The following HPSE2 variants were observed in gnomAD, a reference collection of about 807,000 sequenced individuals.
The protein encoded by HPSE2 is inactive heparanase-2.
In HPSE2, 38 loss-of-function variants were observed where a neutral mutation model predicts 60.5. The observed-to-expected ratio is 0.63, with a 90% CI of 0.48 to 0.82. The LOEUF (loss-of-function observed/expected upper bound fraction) is 0.82, where lower values mean the gene tolerates loss of function less well. HPSE2 is among the 40% of genes least tolerant of loss of function. HPSE2 has a pLI of 0.00. For synonymous variants in HPSE2, 295 were observed against 293.2 expected (o/e 1.01, Z -0.06); for missense variants, 713 against 740.4 (o/e 0.96, Z 0.43).
At chr10:98,799,468 A>G (rs1461092842) in intron 3 of HPSE2, among the ~76,000 whole-genome samples, 2 of 152,222 alleles carry the variant, frequency 1.3e-5, no homozygotes, top group Non-Finnish European at 2.9e-5. Context: ...CATTCCATCC[A>G]CTGGCTGCAG....
chr10:98,817,216 A>T (rs1030399651), intron 3 of HPSE2, among the ~76,000 whole-genome samples: 1 of 152,152 alleles, frequency 6.6e-6, no homozygotes, highest in African/African-American at 2.4e-5. Context: ...CAGTATTATT[A>T]TTCTTATTAT....
chr10:98,921,097 G>A (rs538195428), intron 3 of HPSE2, among the ~76,000 whole-genome samples: 78 of 152,236 alleles, frequency 5.1e-4, no homozygotes, highest in African/African-American at 1.8e-3. Flanking sequence ...CTTCAGGCAT[G>A]TTTCCCTCTG....
chr10:98,679,661 T>C (rs1179824309), intron 6 of HPSE2, among the ~76,000 whole-genome samples: 2 of 152,172 alleles, frequency 1.3e-5, no homozygotes, highest in Admixed American at 6.5e-5. Context: ...TGTGCCTACA[T>C]GGAAATAAGA....
chr10:99,138,493 A>G (rs1049291459), intron 3 of HPSE2, among the ~76,000 whole-genome samples: 4 of 152,206 alleles, frequency 2.6e-5, no homozygotes, highest in Non-Finnish European at 5.9e-5. Flanking sequence ...AACCAACCCA[A>G]TTGTCCATCC....
chr10:98,854,290 A>C (rs559082983), intron 3 of HPSE2, among the ~76,000 whole-genome samples: 7 of 152,316 alleles, frequency 4.6e-5, no homozygotes, highest in Middle Eastern at 3.4e-3. Context: ...GAATTATCTC[A>C]AGGGTCAAGA....
rs1954902918 is a variant in HPSE2, at chr10:98,939,045, TG to T, written c.611-194990del. Among the ~76,000 whole-genome samples, 4 of 144,036 alleles carry T rather than the reference TG, an allele frequency of 2.8e-5. 1 individual carries two copies. Among genetic ancestry groups the T allele is most frequent in the Admixed American group, 2.8e-4 (4 of 14,508 alleles). The allele number at this position is 144,036 out of a possible 152,430, so 94.5% of individuals were successfully genotyped here. ...CAGACAAGCAAATGCTGAGAGATTT[TG>T]TCACCACCAGGCCTGCCCTAAAACA... On this transcript the variant is annotated intron_variant, in intron 3 of 11. Coordinates refer to ENST00000370552, the MANE Select transcript of HPSE2 (RefSeq NM_021828.5).
At chr10:98,720,953 T>TA (rs1291066368) in intron 5 of HPSE2, among the ~76,000 whole-genome samples, 2 of 152,206 alleles carry the variant, frequency 1.3e-5, no homozygotes, top group Non-Finnish European at 2.9e-5. Context: ...GCTGGTAATT[T>TA]AGAGTGCTGA....
chr10:98,773,930 G>A (rs1168753784), intron 3 of HPSE2, among the ~76,000 whole-genome samples: 1 of 152,032 alleles, frequency 6.6e-6, no homozygotes, highest in Non-Finnish European at 1.5e-5. Flanking sequence ...TGTGGTACAT[G>A]CCTGTAGTTC....
chr10:98,766,788 G>A (rs1021967670), intron 3 of HPSE2, among the ~76,000 whole-genome samples: 1 of 152,072 alleles, frequency 6.6e-6, no homozygotes. Flanking sequence ...AGCTGGGCAT[G>A]GTGGTGCACA....
intron 6 of HPSE2, among the ~76,000 whole-genome samples, chr10:98,685,748 T>G (rs1169726986): frequency 6.6e-6 from 1 of 152,178 alleles, no homozygotes; most frequent in Non-Finnish European, 1.5e-5. Flanking sequence ...ATGTTTTCAT[T>G]TCCTTTGGGT....
At chr10:98,877,942 C>A (rs12765537) in intron 3 of HPSE2, among the ~76,000 whole-genome samples, 1 of 151,878 alleles carries the variant, frequency 6.6e-6, no homozygotes, top group African/African-American at 2.4e-5. Flanking sequence ...AGGTTTAAGG[C>A]GGTCTAAGAG....
intron 3 of HPSE2, among the ~76,000 whole-genome samples, chr10:99,016,200 A>G (rs1339180087): frequency 6.6e-6 from 1 of 151,924 alleles, no homozygotes; most frequent in African/African-American, 2.4e-5. Context: ...AATCCATCTT[A>G]ATTTTTATAT....
intron 3 of HPSE2, among the ~76,000 whole-genome samples, chr10:99,097,827 T>C (rs1023765272): frequency 6.6e-6 from 1 of 152,188 alleles, no homozygotes; most frequent in Admixed American, 6.5e-5. Context: ...TTGAATAATA[T>C]GTCCAAAATG....
chr10:98,551,133 G>A (rs1354433199), intron 9 of HPSE2, among the ~76,000 whole-genome samples: 1 of 152,170 alleles, frequency 6.6e-6, no homozygotes, highest in Non-Finnish European at 1.5e-5. Flanking sequence ...GTGGTATGCA[G>A]GGGTCAGTTC....
At chr10:98,472,250 C>T (rs945480678) in intron 11 of HPSE2, among the ~76,000 whole-genome samples, 6 of 151,836 alleles carry the variant, frequency 4.0e-5, no homozygotes, top group Admixed American at 1.3e-4. Flanking sequence ...GTGTCTATTT[C>T]GGCCTTTCTG....
chr10:98,865,060 T>C (rs1349995339), intron 3 of HPSE2, among the ~76,000 whole-genome samples: 2 of 152,066 alleles, frequency 1.3e-5, no homozygotes, highest in African/African-American at 4.8e-5. Context: ...GACAGATGCA[T>C]AAAATGTTGG....
At chr10:99,240,056 G>T (rs1223363084), upstream of HPSE2, among the ~76,000 whole-genome samples, 1 of 151,964 alleles carries the variant, frequency 6.6e-6, no homozygotes, top group Non-Finnish European at 1.5e-5. Flanking sequence ...GGGCATGGTG[G>T]TGGGTGCCTG....
chr10:99,100,301 C>A (rs889224707), intron 3 of HPSE2, among the ~76,000 whole-genome samples: 1 of 152,056 alleles, frequency 6.6e-6, no homozygotes, highest in Non-Finnish European at 1.5e-5. Context: ...CCTTAAATGA[C>A]CTGATGGAGC....
chr10:98,489,910 T>A, intron 10 of HPSE2, 141 bp downstream of exon 10: 3 of 873,852 alleles, frequency 3.4e-6, no homozygotes, highest in Non-Finnish European at 5.8e-6. Context: ...ATTTGAAACC[T>A]CCAAAGAGCA....
Sources: gnomAD v4.1 joint callset for allele counts (sites outside exome capture counted in the v4.1 genomes callset) on GRCh38, gnomAD v4.1.1 for gene constraint, MANE v1.5 for transcripts, NCBI Gene and HGNC (gene_info 2026-07-23, HGNC 2026-07-21) for gene names.